The following IPCEF1 variants were observed in gnomAD, a reference collection of about 807,000 sequenced individuals.
The protein encoded by IPCEF1 is interactor protein for cytohesin exchange factors 1.
In IPCEF1, 31 loss-of-function variants were observed where a neutral mutation model predicts 50.9. That is an observed-to-expected ratio of 0.61 (90% CI 0.46 to 0.82). The LOEUF (loss-of-function observed/expected upper bound fraction) is 0.82, where lower values mean the gene tolerates loss of function less well. Among genes scored for constraint, IPCEF1 ranks in the 40% least tolerant of loss-of-function variants. The probability of loss-of-function intolerance (pLI) is 0.00; values close to 1 mark genes in which losing one functional copy is unlikely to be tolerated. For missense variants in IPCEF1, 458 were observed against 514.0 expected, an observed-to-expected ratio of 0.89 and a Z score of 1.05; for synonymous variants, 181 against 192.0, an observed-to-expected ratio of 0.94 and a Z score of 0.47.
intron 1 of IPCEF1, among the ~76,000 whole-genome samples, chr6:154,328,214 G>A (rs1332844321): frequency 6.6e-6 from 1 of 151,982 alleles, no homozygotes; most frequent in Non-Finnish European, 1.5e-5. Context: ...GTGCACCCCT[G>A]AACTTAAAAG....
chr6:154,163,788 C>CA (rs937904771), intron 11 of IPCEF1, among the ~76,000 whole-genome samples: 1 of 151,626 alleles, frequency 6.6e-6, no homozygotes. Context: ...TTCCATTAAA[C>CA]AAAAAAACTA....
intron 2 of IPCEF1, among the ~76,000 whole-genome samples, chr6:154,276,645 A>G (rs970734780): frequency 2.6e-5 from 4 of 152,244 alleles, no homozygotes; most frequent in Admixed American, 2.6e-4. Flanking sequence ...TCAGATTTTC[A>G]GACTCCAGGT....
chr6:154,174,849 C>T (rs1800182798), intron 10 of IPCEF1, among the ~76,000 whole-genome samples: 1 of 152,174 alleles, frequency 6.6e-6, no homozygotes, highest in South Asian at 2.1e-4. Context: ...AACTCTCCAC[C>T]CAAAATCAAC....
chr6:154,273,686 T>C (rs1279578479), intron 2 of IPCEF1, among the ~76,000 whole-genome samples: 1 of 76,488 alleles, frequency 1.3e-5, no homozygotes, highest in Non-Finnish European at 2.9e-5. Context: ...ATCCAAATTA[T>C]TTTAAGCTTT....
chr6:154,266,585 T>TAC lies in IPCEF1; in HGVS notation c.-17-623_-17-622dup, dbSNP rs1491454976. Among the ~76,000 whole-genome samples, 486 of 135,670 alleles carry TAC rather than the reference T, an allele frequency of 3.6e-3. 5 individuals carry two copies. The highest frequency in any genetic ancestry group is 8.6e-3 in the African/African-American group (320 of 37,422). 89.0% of individuals were successfully genotyped at this position (135,670 alleles called of 152,430 possible). On this transcript the variant is annotated intron_variant, in intron 2 of 11. Transcript: ENST00000367220. ...CTATATATATATATATATATATATATACACACAAACACACACACACATTTT... is the reference window on the plus strand; with the variant it reads ...CTATATATATATATATATATATATATACACACACAAACACACACACACATTTT...
chr6:154,268,551 C>T (rs1048247018), intron 2 of IPCEF1, among the ~76,000 whole-genome samples: 7 of 152,188 alleles, frequency 4.6e-5, no homozygotes, highest in Non-Finnish European at 1.0e-4. Context: ...CCCAGTTTCT[C>T]TCTGGCCCAG....
chr6:154,279,962 C>T (rs1417222988), intron 2 of IPCEF1, among the ~76,000 whole-genome samples: 5 of 152,096 alleles, frequency 3.3e-5, no homozygotes, highest in Admixed American at 3.3e-4. Context: ...TAATGTTAAT[C>T]CTCATTAACA....
intron 1 of IPCEF1, among the ~76,000 whole-genome samples, chr6:154,303,921 T>TA (rs1460486479): frequency 7.0e-6 from 1 of 142,330 alleles, no homozygotes; most frequent in South Asian, 2.3e-4. Flanking sequence ...ACGTCTCAAA[T>TA]AAAAAAAATA....
chr6:154,317,507 C>A (rs565127581), intron 1 of IPCEF1, among the ~76,000 whole-genome samples: 11 of 132,106 alleles, frequency 8.3e-5, no homozygotes, highest in African/African-American at 3.1e-4. Flanking sequence ...CAAGATTGCA[C>A]CACTGCACTC....
At chr6:154,353,768 T>G (rs78172475) in intron 1 of IPCEF1, among the ~76,000 whole-genome samples, 135 of 152,338 alleles carry the variant, frequency 8.9e-4, no homozygotes, top group African/African-American at 3.2e-3. Context: ...AAATCTTGCT[T>G]CTCTGCAGTA....
At chr6:154,191,464 A>C (rs1213025585) in intron 10 of IPCEF1, among the ~76,000 whole-genome samples, 2 of 152,140 alleles carry the variant, frequency 1.3e-5, no homozygotes, top group Non-Finnish European at 2.9e-5. Flanking sequence ...ACCTGAGGTC[A>C]GGGGTTTGAG....
In IPCEF1 at chr6:154,215,331, G is replaced by A. The variant is rs560152630; in HGVS notation, c.393-1055C>T. Among the ~76,000 whole-genome samples, 4 of 152,206 alleles carry A rather than the reference G, an allele frequency of 2.6e-5. No homozygotes were observed. In the East Asian group the frequency reaches 5.8e-4, roughly 22 times the overall value. ...GAAAATATATAACAAATTCAATGCC[G>A]GGAGCGGTGGTTCATGCCTCCCAGC... is the stretch of plus-strand genomic sequence containing the variant. On this transcript the variant is annotated intron_variant, in intron 7 of 11. Coordinates refer to ENST00000367220, the MANE Select transcript of IPCEF1 (RefSeq NM_001130700.2).
At position 154,351,394 on chromosome 6, in the gene IPCEF1, T is replaced by C. The variant is rs56163153; in HGVS notation, c.-62+5278A>G. Among the ~76,000 whole-genome samples, 117 of 152,286 alleles carry C rather than the reference T, an allele frequency of 7.7e-4. 1 individual carries two copies. The highest frequency in any genetic ancestry group is 2.7e-3 in the African/African-American group (112 of 41,562). The stretch of plus-strand genomic sequence containing the variant: ...CTGCTGGCTGGAAGCATTTCCTACG[T>C]GGTACCACCTGACTGCCTAAGAAGA... On this transcript the variant is annotated intron_variant, in intron 1 of 11. Coordinates refer to ENST00000367220, the MANE Select transcript of IPCEF1 (RefSeq NM_001130700.2).
At position 154,351,025 on chromosome 6, in the gene IPCEF1, T is replaced by C. The variant is rs1418085497; in HGVS notation, c.-62+5647A>G. Among the ~76,000 whole-genome samples the C allele has an allele frequency of 2.6e-5, 4 of 152,188 alleles. No homozygotes were observed. In the East Asian group the frequency reaches 7.7e-4, roughly 29 times the overall value. Reference sequence around the variant, plus strand: ...ATCAACCACCCCACCTGGCCTGGTTTGGTATTTTTATCTCAGCTTTTATAG... The same window carrying C: ...ATCAACCACCCCACCTGGCCTGGTTCGGTATTTTTATCTCAGCTTTTATAG... On this transcript the variant is annotated intron_variant, in intron 1 of 11. Coordinates refer to ENST00000367220, the MANE Select transcript of IPCEF1 (RefSeq NM_001130700.2).
chr6:154,155,762 C>G lies in IPCEF1; in HGVS notation c.*4066G>C, dbSNP rs1410031333. ...TGCCACTGCACTCCAGCCTGGGCAACAGAGCAAGACTCTGTCTAAAAAAAG... is the reference window on the plus strand; with the variant it reads ...TGCCACTGCACTCCAGCCTGGGCAAGAGAGCAAGACTCTGTCTAAAAAAAG... On this transcript the variant is annotated 3_prime_UTR_variant, in exon 12 of 12. Coordinates refer to ENST00000367220, the MANE Select transcript of IPCEF1 (RefSeq NM_001130700.2). 1 of 151,890 alleles carries G rather than the reference C, an allele frequency of 6.6e-6. No homozygotes were observed. The highest frequency in any genetic ancestry group is 1.5e-5 in the Non-Finnish European group (1 of 68,040). The allele number at this position is 151,890 out of a possible 1,614,324, so 9.4% of individuals were successfully genotyped here. A position where few individuals can be genotyped will look rare whatever the true frequency, so the allele number is the denominator to read the frequency against.
chr6:154,246,822 T>C (rs1227122810), intron 4 of IPCEF1, 62 bp from the exon 5 acceptor site: 1 of 1,526,110 alleles, frequency 6.6e-7, no homozygotes. Flanking sequence ...TAAAGTATTA[T>C]CCTGATTTAT....
intron 5 of IPCEF1, among the ~76,000 whole-genome samples, chr6:154,235,342 C>T (rs1284688546): frequency 2.6e-5 from 4 of 152,198 alleles, no homozygotes; most frequent in South Asian, 2.1e-4. Context: ...ACCAGCCTGG[C>T]CCACATGGCG....
intron 1 of IPCEF1, among the ~76,000 whole-genome samples, chr6:154,328,764 A>G (rs969051559): frequency 2.6e-5 from 4 of 152,206 alleles, no homozygotes; most frequent in African/African-American, 9.6e-5. Flanking sequence ...GTAAGAGCTC[A>G]GACCAGATGA....
At chr6:154,261,597 T>C (rs1469524535) in intron 3 of IPCEF1, among the ~76,000 whole-genome samples, 3 of 152,192 alleles carry the variant, frequency 2.0e-5, no homozygotes, top group Admixed American at 2.0e-4. Context: ...GAAAATCCCA[T>C]TGTTTCATTT....
Sources: allele counts gnomAD v4.1 joint callset (sites outside exome capture counted in the v4.1 genomes callset), GRCh38; gene constraint gnomAD v4.1.1; transcripts MANE v1.5; gene names NCBI Gene and HGNC (gene_info 2026-07-23, HGNC 2026-07-21).